Variants in HTR4 observed in about 807,000 individuals in gnomAD.
HTR4 encodes the protein 5-hydroxytryptamine receptor 4, also known as 5-hydroxytryptamine (serotonin) receptor 4, G protein-coupled.
In HTR4, 16 loss-of-function variants were observed where a neutral mutation model predicts 36.8. The observed-to-expected ratio is 0.43, with a 90% CI of 0.29 to 0.66. The LOEUF (loss-of-function observed/expected upper bound fraction) is 0.66. HTR4 is among the 30% of genes least tolerant of loss of function. The probability of loss-of-function intolerance (pLI) is 0.13; values close to 1 mark genes in which losing one functional copy is unlikely to be tolerated. For missense variants in HTR4, 438 were observed against 490.9 expected, an observed-to-expected ratio of 0.89 and a Z score of 1.02; for synonymous variants, 189 against 185.1, an observed-to-expected ratio of 1.02 and a Z score of -0.17.
At chr5:148,499,094 C>G (rs554144478) in intron 6 of HTR4, among the ~76,000 whole-genome samples, 4 of 152,258 alleles carry the variant, frequency 2.6e-5, no homozygotes, top group Non-Finnish European at 4.4e-5. Context: ...ACAGTTGGGT[C>G]TGAATTCCAG....
chr5:148,528,831 G>A (rs1470176910), intron 4 of HTR4, among the ~76,000 whole-genome samples: 1 of 151,952 alleles, frequency 6.6e-6, no homozygotes, highest in Non-Finnish European at 1.5e-5. Flanking sequence ...GGGAGGTAAG[G>A]CAAAATGCAC....
chr5:148,623,188 C>G (rs1023910352), intron 2 of HTR4, among the ~76,000 whole-genome samples: 3 of 152,082 alleles, frequency 2.0e-5, no homozygotes, highest in Admixed American at 6.6e-5. Flanking sequence ...AGAAAAGGCA[C>G]CAGACATTCC....
At position 148,632,685 on chromosome 5, in the gene HTR4, A is replaced by T. The variant is rs1277522753; in HGVS notation, c.26+4304T>A. Among the ~76,000 whole-genome samples the T allele has an allele frequency of 3.9e-5, 6 of 152,336 alleles. 1 individual carries two copies. In the East Asian group the frequency reaches 1.2e-3, roughly 29 times the overall value. ...AACATTGTACTCTCTGGAACTTAAA[A>T]AGAAATTGATTGAAAAAATTTCTTA... On this transcript the variant is annotated intron_variant, in intron 2 of 6. Coordinates refer to ENST00000377888, the MANE Select transcript of HTR4 (RefSeq NM_000870.7).
At position 148,481,737 on chromosome 5, in the gene HTR4, A is replaced by G; in HGVS notation, c.*1466T>C. The G allele has an allele frequency of 7.0e-7, 1 of 1,432,684 alleles. No homozygotes were observed. The highest frequency in any genetic ancestry group is 9.1e-7 in the Non-Finnish European group (1 of 1,103,210). 88.7% of individuals were successfully genotyped at this position (1,432,684 alleles called of 1,614,324 possible). ...TGCTATTAAACCACAGCCAAGATCA[A>G]AGTCAGAATCTCACATGGCTCTGGG... On this transcript the variant is annotated 3_prime_UTR_variant, in exon 7 of 7. Coordinates refer to ENST00000377888, the MANE Select transcript of HTR4 (RefSeq NM_000870.7).
intron 2 of HTR4, among the ~76,000 whole-genome samples, chr5:148,559,761 G>C (rs929431814): frequency 6.6e-6 from 1 of 152,044 alleles, no homozygotes; most frequent in African/African-American, 2.4e-5. Context: ...GAATGCCAAA[G>C]ACACTGCTCC....
In HTR4 at chr5:148,489,667, C is replaced by T. The variant is rs536811229; in HGVS notation, c.1077-6374G>A. ...GAGATGATCCAGAGACAATATAATT[C>T]GCTATTTGTTTGGGAAAAGCTGACC... On this transcript the variant is annotated intron_variant, in intron 6 of 6. Coordinates refer to ENST00000377888, the MANE Select transcript of HTR4 (RefSeq NM_000870.7). Among the ~76,000 whole-genome samples the T allele has an allele frequency of 7.9e-5, 12 of 152,214 alleles. No individual in the cohort carries two copies. The South Asian group carries it at 1.7e-3, about 21-fold the overall frequency.
At chr5:148,546,082 C>A (rs1401242621) in intron 4 of HTR4, among the ~76,000 whole-genome samples, 3 of 152,060 alleles carry the variant, frequency 2.0e-5, no homozygotes, top group Non-Finnish European at 4.4e-5. Context: ...ATGTAGGAGG[C>A]AAGGAAAGAC....
intron 2 of HTR4, among the ~76,000 whole-genome samples, chr5:148,607,010 C>T (rs1261396402): frequency 6.6e-6 from 1 of 152,170 alleles, no homozygotes; most frequent in Non-Finnish European, 1.5e-5. Flanking sequence ...GAGATAAAGG[C>T]AATCCTTTTT....
intron 2 of HTR4, among the ~76,000 whole-genome samples, chr5:148,553,095 TG>T (rs571164262): frequency 1.4e-3 from 206 of 152,330 alleles, no homozygotes; most frequent in African/African-American, 4.8e-3. Flanking sequence ...ACCTACTCTG[TG>T]TTAGGCATTG....
intron 2 of HTR4, among the ~76,000 whole-genome samples, chr5:148,580,316 C>G (rs1237049605): frequency 6.6e-6 from 1 of 151,996 alleles, no homozygotes; most frequent in Non-Finnish European, 1.5e-5. Flanking sequence ...TTAATGTATA[C>G]TTGGTGAGTT....
At chr5:148,492,873 G>A (rs1002485629) in intron 6 of HTR4, among the ~76,000 whole-genome samples, 1 of 152,196 alleles carries the variant, frequency 6.6e-6, no homozygotes, top group African/African-American at 2.4e-5. Flanking sequence ...GCACTGTGCT[G>A]GGTGGGATGG....
At chr5:148,627,390 C>T (rs17777630) in intron 2 of HTR4, among the ~76,000 whole-genome samples, 39,427 of 151,952 alleles carry the variant, frequency 0.26, 5,262 homozygotes, top group East Asian at 0.39. Context: ...TTTCCACATA[C>T]GCTTTTTCTG....
intron 2 of HTR4, among the ~76,000 whole-genome samples, chr5:148,628,071 C>G (rs1352069224): frequency 1.3e-5 from 2 of 152,162 alleles, no homozygotes; most frequent in African/African-American, 4.8e-5. Flanking sequence ...TCCAGAGTGC[C>G]CAGCTTCCCT....
intron 2 of HTR4, among the ~76,000 whole-genome samples, chr5:148,586,278 T>C (rs1002115874): frequency 1.3e-5 from 2 of 152,084 alleles, no homozygotes; most frequent in African/African-American, 4.8e-5. Flanking sequence ...TCTAGGCTCC[T>C]GAGACAATCT....
chr5:148,575,419 A>G (rs192191777), intron 2 of HTR4, among the ~76,000 whole-genome samples: 249 of 152,134 alleles, frequency 1.6e-3, no homozygotes, highest in Middle Eastern at 3.4e-3. Flanking sequence ...TTGTTAACAA[A>G]ATTGGATTAG....
At chr5:148,479,427 C>T (rs1755805894), downstream of HTR4, among the ~76,000 whole-genome samples, 1 of 151,870 alleles carries the variant, frequency 6.6e-6, no homozygotes, top group Admixed American at 6.6e-5. Context: ...ATTCAAAATT[C>T]AGTTATTAGT....
chr5:148,540,733 G>A (rs1300725679), intron 4 of HTR4, among the ~76,000 whole-genome samples: 1 of 151,974 alleles, frequency 6.6e-6, no homozygotes, highest in Non-Finnish European at 1.5e-5. Context: ...GAACCCCAGA[G>A]CCCAGTGTGT....
chr5:148,624,756 T>C (rs1753034112), intron 2 of HTR4, among the ~76,000 whole-genome samples: 1 of 152,146 alleles, frequency 6.6e-6, no homozygotes, highest in Non-Finnish European at 1.5e-5. Context: ...AGAGTGGAGA[T>C]GGGTAATGGT....
chr5:148,561,077 T>C (rs1028310951), intron 2 of HTR4, among the ~76,000 whole-genome samples: 6 of 152,152 alleles, frequency 3.9e-5, no homozygotes, highest in Middle Eastern at 3.2e-3. Context: ...GAAAACCCTA[T>C]AGACAAGGAC....
Sources: gnomAD v4.1 joint callset for allele counts (sites outside exome capture counted in the v4.1 genomes callset) on GRCh38, gnomAD v4.1.1 for gene constraint, MANE v1.5 for transcripts, NCBI Gene and HGNC (gene_info 2026-07-23, HGNC 2026-07-21) for gene names.